AMOTL1: variants seen among roughly 807,000 people sequenced by gnomAD.
AMOTL1 encodes the protein angiomotin like 1.
Under a neutral mutation model 102.9 loss-of-function variants are expected in AMOTL1, and 45 were observed. That is an observed-to-expected ratio of 0.44 (90% CI 0.34 to 0.56). The LOEUF is 0.56. AMOTL1 is among the 20% of genes least tolerant of loss of function. The pLI is 0.01. For missense variants in AMOTL1, 1,114 were observed against 1,225.6 expected, an observed-to-expected ratio of 0.91 and a Z score of 1.36; for synonymous variants, 481 against 484.7, an observed-to-expected ratio of 0.99 and a Z score of 0.10.
chr11:94,807,218 T>C (rs1951581798), intron 3 of AMOTL1, among the ~76,000 whole-genome samples: 1 of 152,216 alleles, frequency 6.6e-6, no homozygotes, highest in Admixed American at 6.5e-5. Flanking sequence ...TTAAACCCTC[T>C]GTTCACTATG....
chr11:94,810,530 G>A (rs1303828831), intron 3 of AMOTL1, among the ~76,000 whole-genome samples: 2 of 149,020 alleles, frequency 1.3e-5, no homozygotes, highest in East Asian at 3.9e-4. Flanking sequence ...AATGAGGTAT[G>A]AGGTAATACA....
chr11:94,832,662 C>G (rs2067424291), intron 6 of AMOTL1, among the ~76,000 whole-genome samples: 1 of 152,178 alleles, frequency 6.6e-6, no homozygotes, highest in Admixed American at 6.5e-5. Context: ...GCTTTTGTAA[C>G]AAAATTTATC....
intron 1 of AMOTL1, among the ~76,000 whole-genome samples, chr11:94,773,072 T>C (rs1320470694): frequency 6.6e-6 from 1 of 152,268 alleles, no homozygotes; most frequent in African/African-American, 2.4e-5. Context: ...TTATTTATTT[T>C]ACTTTAGAGC....
intron 1 of AMOTL1, among the ~76,000 whole-genome samples, chr11:94,728,192 A>G (rs887269083): frequency 6.6e-6 from 1 of 152,112 alleles, no homozygotes; most frequent in Non-Finnish European, 1.5e-5. Flanking sequence ...TCTTTGTAAT[A>G]TGGGCAAGAG....
intron 3 of AMOTL1, among the ~76,000 whole-genome samples, chr11:94,756,766 G>T (rs1309416466): frequency 1.3e-5 from 2 of 151,978 alleles, no homozygotes; most frequent in East Asian, 3.9e-4. Flanking sequence ...CTCCCATCCT[G>T]CTCAACACCT....
At chr11:94,754,716 A>G (rs1310241555) in intron 3 of AMOTL1, among the ~76,000 whole-genome samples, 1 of 152,234 alleles carries the variant, frequency 6.6e-6, no homozygotes, top group Non-Finnish European at 1.5e-5. Context: ...AAGGAATTTT[A>G]GGGATATAAC....
intron 1 of AMOTL1, among the ~76,000 whole-genome samples, chr11:94,724,315 C>G (rs1036814434): frequency 6.6e-6 from 1 of 152,122 alleles, no homozygotes; most frequent in South Asian, 2.1e-4. Context: ...GGCAGGAGTT[C>G]CGGGAACAGC....
intron 1 of AMOTL1, among the ~76,000 whole-genome samples, chr11:94,783,407 C>G (rs1469918261): frequency 6.6e-6 from 1 of 152,196 alleles, no homozygotes; most frequent in Non-Finnish European, 1.5e-5. Flanking sequence ...GTTAGTCTCC[C>G]TCTCAGCATC....
intron 3 of AMOTL1, among the ~76,000 whole-genome samples, chr11:94,742,830 A>G (rs1045775385): frequency 6.6e-6 from 1 of 152,180 alleles, no homozygotes; most frequent in Non-Finnish European, 1.5e-5. Flanking sequence ...TTCCTGGTTC[A>G]TAGATGTCTA....
Position 94,873,231 on chromosome 11 carries a change from T to G in AMOTL1, c.*2436T>G, listed in dbSNP as rs1394026146. 3 of 152,236 alleles carry G rather than the reference T, an allele frequency of 2.0e-5. No homozygotes were observed. The highest frequency in any genetic ancestry group is 3.8e-4 in the East Asian group (2 of 5,196). The allele number at this position is 152,236 out of a possible 1,614,324, so 9.4% of individuals were successfully genotyped here. On this transcript the variant is annotated 3_prime_UTR_variant, in exon 13 of 13. Transcript: ENST00000433060. ...TTGTAAACAGACACATCGCCATGTT[T>G]CAGGGCTTCAACGGCATTGTATTTT...
intron 2 of AMOTL1, among the ~76,000 whole-genome samples, chr11:94,739,014 A>C (rs1395453305): frequency 6.6e-6 from 1 of 152,226 alleles, no homozygotes; most frequent in Non-Finnish European, 1.5e-5. Flanking sequence ...GAATAATCAC[A>C]GGAATGATAC....
chr11:94,768,347 G>C, upstream of AMOTL1: 2 of 1,367,754 alleles, frequency 1.5e-6, no homozygotes, highest in South Asian at 1.7e-5. Flanking sequence ...GAGCGCGGAC[G>C]GCGGCGGGAG....
In AMOTL1 at chr11:94,871,358, G is replaced by C. The variant is rs551928491; in HGVS notation, c.*563G>C. The stretch of plus-strand genomic sequence containing the variant: ...TGGTCTTCACCTAATTACCTGTTTG[G>C]TTTGGATTTTCAAGAGATGATTGGG... On this transcript the variant is annotated 3_prime_UTR_variant, in exon 13 of 13. Transcript: ENST00000433060. 1 of 152,256 alleles carries C rather than the reference G, an allele frequency of 6.6e-6. No homozygotes were observed. The highest frequency in any genetic ancestry group is 2.4e-5 in the African/African-American group (1 of 41,430). The allele number at this position is 152,256 out of a possible 1,614,324, so 9.4% of individuals were successfully genotyped here. A position where few individuals can be genotyped will look rare whatever the true frequency, so the allele number is the denominator to read the frequency against.
intron 3 of AMOTL1, among the ~76,000 whole-genome samples, chr11:94,761,098 C>T (rs1232311392): frequency 6.6e-6 from 1 of 151,416 alleles, no homozygotes; most frequent in Non-Finnish European, 1.5e-5. Context: ...AATGAATGAA[C>T]CATTATAGTT....
rs3995610 is a variant in AMOTL1 at position 94,810,831 on chromosome 11, GACACACACAC to G, written c.1121+10549_1121+10558del. ...AAGATCCTAGGAGAGAAAAATAAAA[GACACACACAC>G]ACACACACACACACACACACACACA... On this transcript the variant is annotated intron_variant, in intron 3 of 12. Transcript: ENST00000433060. 2.8e-3 allele frequency among the ~76,000 whole-genome samples: 404 copies of G among 143,758 alleles called. 3 individuals carry two copies. Among genetic ancestry groups the G allele is most frequent in the African/African-American group, 9.0e-3 (349 of 38,768 alleles). 94.3% of individuals were successfully genotyped at this position (143,758 alleles called of 152,430 possible).
chr11:94,846,672 T>C (rs756361913), intron 6 of AMOTL1, among the ~76,000 whole-genome samples: 1 of 152,240 alleles, frequency 6.6e-6, no homozygotes, highest in Non-Finnish European at 1.5e-5. Flanking sequence ...TGTGTTATAA[T>C]GGGGCTCTTC....
At chr11:94,795,436 T>C (rs1485571118) in intron 2 of AMOTL1, among the ~76,000 whole-genome samples, 1 of 152,232 alleles carries the variant, frequency 6.6e-6, no homozygotes, top group African/African-American at 2.4e-5. Flanking sequence ...TCAGTTTTTC[T>C]CTGATTCCTA....
intron 1 of AMOTL1, among the ~76,000 whole-genome samples, chr11:94,725,423 A>G (rs1354414317): frequency 6.6e-6 from 1 of 152,168 alleles, no homozygotes; most frequent in African/African-American, 2.4e-5. Context: ...CTTGTGCCAA[A>G]CAACACTATT....
intron 6 of AMOTL1, among the ~76,000 whole-genome samples, chr11:94,840,995 C>T (rs1320732148): frequency 1.3e-5 from 2 of 152,108 alleles, no homozygotes; most frequent in Non-Finnish European, 2.9e-5. Flanking sequence ...CAGAAACTGT[C>T]TGCTTCTGTT....
Sources: gnomAD v4.1 joint callset for allele counts (sites outside exome capture counted in the v4.1 genomes callset) on GRCh38, gnomAD v4.1.1 for gene constraint, MANE v1.5 for transcripts, NCBI Gene and HGNC (gene_info 2026-07-23, HGNC 2026-07-21) for gene names.